The following AP3S1 variants were observed in gnomAD, a reference collection of about 807,000 sequenced individuals.
AP3S1 encodes AP-3 complex subunit sigma-1.
A neutral mutation model predicts 21.3 loss-of-function variants in AP3S1; 12 were observed. The ratio of observed to expected loss-of-function variants is 0.56; its 90% CI spans 0.36 to 0.91. The LOEUF (loss-of-function observed/expected upper bound fraction) is 0.91. Ranked by LOEUF, AP3S1 falls within the 40% of genes least tolerant of loss-of-function variation. The pLI is 0.01. For missense variants in AP3S1, 116 were observed against 225.0 expected, an observed-to-expected ratio of 0.52 and a Z score of 3.10; for synonymous variants, 48 against 78.4, an observed-to-expected ratio of 0.61 and a Z score of 2.05.
At chr5:115,876,432 G>A (rs1338268032) in intron 3 of AP3S1, among the ~76,000 whole-genome samples, 1 of 152,056 alleles carries the variant, frequency 6.6e-6, no homozygotes, top group East Asian at 1.9e-4. Flanking sequence ...TTTGATTTAA[G>A]GTAAATTCAT....
chr5:115,879,709 A>G (rs967343874), intron 3 of AP3S1, among the ~76,000 whole-genome samples: 1 of 151,720 alleles, frequency 6.6e-6, no homozygotes, highest in Non-Finnish European at 1.5e-5. Flanking sequence ...CAGGATGATG[A>G]TGGCCTCAAA....
chr5:115,844,995 T>A (rs544735896), intron 1 of AP3S1, among the ~76,000 whole-genome samples: 177 of 152,214 alleles, frequency 1.2e-3, no homozygotes, highest in Non-Finnish European at 2.1e-3. Flanking sequence ...TAGCTTGGGA[T>A]AGAGTTGGGA....
At chr5:115,887,983 T>A in intron 3 of AP3S1, among the ~76,000 whole-genome samples, 1 of 152,246 alleles carries the variant, frequency 6.6e-6, no homozygotes, top group Middle Eastern at 3.4e-3. Flanking sequence ...ATTTACTTTT[T>A]ATATTTATTT....
At chr5:115,871,007 G>C (rs1017580079) in intron 3 of AP3S1, among the ~76,000 whole-genome samples, 1 of 152,318 alleles carries the variant, frequency 6.6e-6, no homozygotes, top group East Asian at 1.9e-4. Flanking sequence ...TGCACACACA[G>C]TGGATTAAAT....
intron 1 of AP3S1, among the ~76,000 whole-genome samples, chr5:115,856,159 T>C (rs1486573066): frequency 1.3e-5 from 2 of 152,146 alleles, no homozygotes; most frequent in African/African-American, 4.8e-5. Context: ...TGTTAGGAAA[T>C]CTGATCAGCC....
chr5:115,873,047 G>C (rs1748407013), intron 3 of AP3S1, among the ~76,000 whole-genome samples: 1 of 152,162 alleles, frequency 6.6e-6, no homozygotes, highest in Non-Finnish European at 1.5e-5. Context: ...TCTTATTGAA[G>C]AGAAATGTTG....
intron 1 of AP3S1, among the ~76,000 whole-genome samples, chr5:115,858,773 T>C (rs1396272756): frequency 6.6e-6 from 1 of 150,992 alleles, no homozygotes; most frequent in Non-Finnish European, 1.5e-5. Flanking sequence ...TATTTCTGAA[T>C]TTCACTCTTT....
At chr5:115,861,791 C>T (rs147550940) in intron 1 of AP3S1, among the ~76,000 whole-genome samples, 108 of 152,154 alleles carry the variant, frequency 7.1e-4, no homozygotes, top group African/African-American at 2.5e-3. Context: ...AAGAGATCAT[C>T]CCACCTCAGC....
At chr5:115,886,262 G>T (rs1749771395) in intron 3 of AP3S1, among the ~76,000 whole-genome samples, 1 of 152,034 alleles carries the variant, frequency 6.6e-6, no homozygotes, top group South Asian at 2.1e-4. Context: ...AACAACACAG[G>T]TTTGAACTGT....
intron 5 of AP3S1, among the ~76,000 whole-genome samples, chr5:115,905,994 A>G (rs1022119849): frequency 6.6e-6 from 1 of 152,124 alleles, no homozygotes; most frequent in Non-Finnish European, 1.5e-5. Flanking sequence ...CGTCTCTACT[A>G]AAAATACAAA....
chr5:115,902,652 GGTA>G (rs1227735267), intron 4 of AP3S1, among the ~76,000 whole-genome samples: 1 of 152,110 alleles, frequency 6.6e-6, no homozygotes, highest in African/African-American at 2.4e-5. Context: ...GTCCTATGAA[GGTA>G]GTACTATTGT....
intron 3 of AP3S1, among the ~76,000 whole-genome samples, chr5:115,874,861 G>A (rs985727308): frequency 4.0e-5 from 6 of 151,832 alleles, no homozygotes; most frequent in African/African-American, 1.5e-4. Context: ...CTATTATCTT[G>A]TAGTGGTTAA....
In AP3S1 at chr5:115,841,958, C is replaced by A. The variant is rs1441569694; in HGVS notation, c.-80C>A. On this transcript the variant is annotated 5_prime_UTR_variant, in exon 1 of 6. Transcript: ENST00000316788. ...GGAGGGGGCGGGTGGGGAAGGATCG[C>A]AGGCGAGATTACGAGGCGAGGCTCG... The A allele has an allele frequency of 9.2e-5, 141 of 1,532,834 alleles. No homozygotes were observed. The highest frequency in any genetic ancestry group is 1.1e-4 in the Non-Finnish European group (128 of 1,138,376). The allele number at this position is 1,532,834 out of a possible 1,614,324, so 95.0% of individuals were successfully genotyped here.
intron 3 of AP3S1, among the ~76,000 whole-genome samples, chr5:115,886,225 C>T (rs1370428372): frequency 6.6e-6 from 1 of 152,078 alleles, no homozygotes; most frequent in East Asian, 1.9e-4. Flanking sequence ...GTGGTAATGC[C>T]ACAATACTGT....
intron 4 of AP3S1, among the ~76,000 whole-genome samples, chr5:115,898,273 A>G (rs1375365491): frequency 6.6e-6 from 1 of 152,306 alleles, no homozygotes; most frequent in East Asian, 1.9e-4. Context: ...CCAGCCTCCA[A>G]TGTAACAGTT....
At chr5:115,855,172 G>A (rs1762718320) in intron 1 of AP3S1, among the ~76,000 whole-genome samples, 2 of 152,048 alleles carry the variant, frequency 1.3e-5, no homozygotes, top group East Asian at 1.9e-4. Context: ...GAGTAGCTGG[G>A]ACTACAGGCA....
intron 3 of AP3S1, among the ~76,000 whole-genome samples, chr5:115,884,348 G>A (rs541713345): frequency 6.6e-5 from 10 of 152,084 alleles, no homozygotes; most frequent in Non-Finnish European, 1.2e-4. Flanking sequence ...GGTGGATCAC[G>A]AGGTCAGAAG....
chr5:115,900,584 TC>T (rs1751128983), intron 4 of AP3S1, among the ~76,000 whole-genome samples: 1 of 152,224 alleles, frequency 6.6e-6, no homozygotes, highest in African/African-American at 2.4e-5. Context: ...CTAGAGGTGC[TC>T]ATGATTATGA....
At chr5:115,842,148 T>G (rs754628724) in intron 1 of AP3S1, 42 bp downstream of exon 1, 20 of 1,525,864 alleles carry the variant, frequency 1.3e-5, no homozygotes, top group Non-Finnish European at 1.6e-5. Context: ...GGGGGAGTCG[T>G]TGGCGACGGG....
Sources: gnomAD v4.1 joint callset for allele counts (sites outside exome capture counted in the v4.1 genomes callset) on GRCh38, gnomAD v4.1.1 for gene constraint, MANE v1.5 for transcripts, NCBI Gene and HGNC (gene_info 2026-07-23, HGNC 2026-07-21) for gene names.